Variants in ZNF704 observed in about 807,000 individuals in gnomAD.
The protein encoded by ZNF704 is glucocorticoid induced gene 1.
ZNF704 carries 10 observed loss-of-function variants against 44.7 expected under a neutral mutation model. The ratio of observed to expected loss-of-function variants is 0.22; its 90% CI spans 0.14 to 0.38. ZNF704 has a LOEUF of 0.38. Ranked by LOEUF, ZNF704 falls within the 10% of genes least tolerant of loss-of-function variation. ZNF704 has a pLI of 1.00. For missense variants in ZNF704, 390 were observed against 545.5 expected, an observed-to-expected ratio of 0.71 and a Z score of 2.84; for synonymous variants, 211 against 207.6, an observed-to-expected ratio of 1.02 and a Z score of -0.14.
At chr8:80,877,185 GAAAAAAAAAAA>G (rs5892744), upstream of ZNF704, among the ~76,000 whole-genome samples, 47 of 59,680 alleles carry the variant, frequency 7.9e-4, no homozygotes, top group African/African-American at 2.4e-3. Flanking sequence ...CTCTGAATGG[GAAAAAAAAAAA>G]AAAAAAAAAA....
chr8:80,693,183 C>T, intron 2 of ZNF704, 76 bp from the exon 3 acceptor site: 1 of 1,209,968 alleles, frequency 8.3e-7, no homozygotes, highest in South Asian at 1.2e-5. Flanking sequence ...GACACGCTGT[C>T]ACGCATTTAC....
rs372958292 is a variant in ZNF704 at position 80,643,007 on chromosome 8, G to C, written c.1127+28C>G. The C allele has an allele frequency of 2.0e-6, 3 of 1,479,382 alleles. No homozygotes were observed. In the African/African-American group the frequency reaches 4.2e-5, roughly 21 times the overall value. The allele number at this position is 1,479,382 out of a possible 1,614,324, so 91.6% of individuals were successfully genotyped here. ...TTACAGTTAATTCCCTTGTGGTGAG[G>C]TGTGTGGAGTTTTTTAAGCTGTCGT... On this transcript the variant is annotated intron_variant, in intron 8 of 8. Transcript: ENST00000327835.
chr8:80,809,205 C>T (rs1022365545), intron 2 of ZNF704, among the ~76,000 whole-genome samples: 2 of 152,154 alleles, frequency 1.3e-5, no homozygotes, highest in Admixed American at 1.3e-4. Context: ...GCAGGAGAAT[C>T]GCTTGAACCT....
intron 2 of ZNF704, among the ~76,000 whole-genome samples, chr8:80,782,601 C>A (rs1418746884): frequency 6.6e-6 from 1 of 152,002 alleles, no homozygotes; most frequent in Non-Finnish European, 1.5e-5. Context: ...TTAAAAGGAA[C>A]GTTAATATAC....
chr8:80,733,251 G>T (rs1806611718), intron 2 of ZNF704, among the ~76,000 whole-genome samples: 2 of 152,086 alleles, frequency 1.3e-5, no homozygotes, highest in South Asian at 2.1e-4. Flanking sequence ...TAGTAAATGT[G>T]TTATGTGGAG....
intron 2 of ZNF704, among the ~76,000 whole-genome samples, chr8:80,704,605 G>A (rs761872672): frequency 2.0e-5 from 3 of 152,150 alleles, no homozygotes; most frequent in Non-Finnish European, 4.4e-5. Flanking sequence ...TGGGGGTGGT[G>A]GGGGAAAGGG....
intron 1 of ZNF704, among the ~76,000 whole-genome samples, chr8:80,834,593 C>T (rs995352360): frequency 6.6e-6 from 1 of 152,082 alleles, no homozygotes; most frequent in African/African-American, 2.4e-5. Flanking sequence ...TATACGTGTG[C>T]CATGGTGGTT....
chr8:80,703,327 C>T (rs947820963), intron 2 of ZNF704, among the ~76,000 whole-genome samples: 5 of 152,068 alleles, frequency 3.3e-5, no homozygotes, highest in South Asian at 4.1e-4. Flanking sequence ...TCCTGGAAGC[C>T]GCCTTCCACC....
chr8:80,874,199 C>G lies in ZNF704; in HGVS notation c.-22+372G>C, dbSNP rs917790362. 6.9e-6 allele frequency among the ~76,000 whole-genome samples: 1 copy of G among 145,982 alleles called. No individual in the cohort carries two copies. Among genetic ancestry groups the G allele is most frequent in the African/African-American group, 2.5e-5 (1 of 40,672 alleles). ...CAGGACCCGCGGCTGCCACTGGCTG[C>G]AGAGGCGCGGGCGCCGCCTTCGCTG... On this transcript the variant is annotated intron_variant, in intron 1 of 8. Coordinates refer to ENST00000327835, the MANE Select transcript of ZNF704 (RefSeq NM_001033723.3). This position sits in a 1 kb window ranked among gnomAD's most constrained non-coding sequence, Gnocchi z 4.4.
chr8:80,780,157 C>A (rs144371660), intron 2 of ZNF704, among the ~76,000 whole-genome samples: 1 of 151,864 alleles, frequency 6.6e-6, no homozygotes, highest in Admixed American at 6.6e-5. Context: ...GTGAGGGCAA[C>A]GGCAAGTGGC....
intron 2 of ZNF704, among the ~76,000 whole-genome samples, chr8:80,771,267 G>T (rs1300539648): frequency 1.3e-5 from 2 of 152,014 alleles, no homozygotes; most frequent in African/African-American, 4.8e-5. Context: ...GATAGGAACT[G>T]CATTAAACCT....
intron 2 of ZNF704, among the ~76,000 whole-genome samples, chr8:80,722,841 A>G (rs1806399714): frequency 6.6e-6 from 1 of 152,132 alleles, no homozygotes; most frequent in Admixed American, 6.6e-5. Context: ...GAAAAAAGGC[A>G]CCCTTTATCT....
chr8:80,883,004 G>A, the ZNF704 span, among the ~76,000 whole-genome samples: 31 of 147,682 alleles, frequency 2.1e-4, no homozygotes, highest in African/African-American at 6.8e-4. Context: ...TTGGGAGGCC[G>A]AGGCATGTTG....
chr8:80,664,784 G>C (rs891028436), intron 6 of ZNF704, 31 bp downstream of exon 6: 14 of 1,612,142 alleles, frequency 8.7e-6, no homozygotes, highest in Non-Finnish European at 1.2e-5. Context: ...CAAGGTCAAA[G>C]TGATTGCTCT....
chr8:80,869,916 G>A (rs1450252016), intron 1 of ZNF704, among the ~76,000 whole-genome samples: 1 of 152,182 alleles, frequency 6.6e-6, no homozygotes, highest in Non-Finnish European at 1.5e-5. Context: ...GGAAGGGGAG[G>A]GGGAGAAGAG....
chr8:80,841,829 G>T (rs112069150), intron 1 of ZNF704, among the ~76,000 whole-genome samples: 1 of 152,122 alleles, frequency 6.6e-6, no homozygotes, highest in Non-Finnish European at 1.5e-5. Flanking sequence ...TCGCTCTGTT[G>T]CCCAGGCTGG....
chr8:80,854,427 T>G (rs1384030642), intron 1 of ZNF704, among the ~76,000 whole-genome samples: 5 of 152,192 alleles, frequency 3.3e-5, no homozygotes, highest in Non-Finnish European at 7.3e-5. Context: ...GGATCTCCTT[T>G]CCAACTCACT....
At chr8:80,762,767 C>G (rs761797079) in intron 2 of ZNF704, among the ~76,000 whole-genome samples, 2 of 152,180 alleles carry the variant, frequency 1.3e-5, no homozygotes, top group South Asian at 2.1e-4. Flanking sequence ...TGTCCAAGTC[C>G]AAAGTCTCAT....
At chr8:80,851,976 G>A (rs1481141693) in intron 1 of ZNF704, among the ~76,000 whole-genome samples, 3 of 151,698 alleles carry the variant, frequency 2.0e-5, no homozygotes, top group Non-Finnish European at 4.4e-5. Context: ...AAGGACTGAG[G>A]AAAAAAAAGT....
Sources: allele counts gnomAD v4.1 joint callset (sites outside exome capture counted in the v4.1 genomes callset), GRCh38; gene constraint gnomAD v4.1.1; non-coding constraint Gnocchi (gnomAD v3.1); transcripts MANE v1.5; gene names NCBI Gene and HGNC (gene_info 2026-07-23, HGNC 2026-07-21).